Variants in KCNJ14 observed in about 807,000 individuals in gnomAD.
The protein encoded by KCNJ14 is ATP-sensitive inward rectifier potassium channel 14.
KCNJ14 carries 18 observed loss-of-function variants against 24.5 expected under a neutral mutation model. The observed-to-expected ratio is 0.74, with a 90% CI of 0.51 to 1.09. KCNJ14 has a LOEUF of 1.09. Ranked by LOEUF, KCNJ14 falls within the 50% of genes least tolerant of loss-of-function variation. KCNJ14 has a pLI of 0.00. For synonymous variants in KCNJ14, 288 were observed against 270.8 expected (o/e 1.06, Z -0.63); for missense variants, 633 against 623.0 (o/e 1.02, Z -0.17).
chr19:48,456,297 T>TCCTGATGTTGACCTCCAGGCCGCCC (rs1971539117), intron 1 of KCNJ14: 1 of 152,182 alleles, frequency 6.6e-6, no homozygotes. Flanking sequence ...AGATGCTGCA[T>TCCTGATGTTGACCTCCAGGCCGCCC]CCTGATGTTG....
chr19:48,463,474 G>A (rs1971622741), intron 2 of KCNJ14, among the ~76,000 whole-genome samples: 1 of 152,158 alleles, frequency 6.6e-6, no homozygotes, highest in Non-Finnish European at 1.5e-5. Context: ...TGGCCTGGGA[G>A]GTGGCTATGG....
In KCNJ14 at chr19:48,462,440, T is replaced by A. The variant is rs1232503416; in HGVS notation, c.714+2T>A. On this transcript the variant is annotated splice_donor_variant, in intron 2 of 2. Coordinates refer to ENST00000342291, the MANE Select transcript of KCNJ14 (RefSeq NM_013348.4). LOFTEE classifies it high-confidence loss of function. This position sits in a 1 kb window ranked among gnomAD's most constrained non-coding sequence, Gnocchi z 4.9. ...CACGTGCGTGCCCAGCTGCTGCAGG[T>A]GCGCCCGGGAGGAGAGGCGGGGACT... 1.4e-6 allele frequency: 2 copies of A among 1,466,394 alleles called. No homozygotes were observed. The highest frequency in any genetic ancestry group is 2.5e-5 in the East Asian group (1 of 39,916). The allele number at this position is 1,466,394 out of a possible 1,614,324, so 90.8% of individuals were successfully genotyped here.
At position 48,461,993 on chromosome 19, in the gene KCNJ14, G is replaced by GCCTGCTCTTCT. The variant is rs1971603680; in HGVS notation, c.277_287dup (p.Phe97SerfsTer149). On this transcript the variant is annotated frameshift_variant, in exon 2 of 3. Coordinates refer to ENST00000342291, the MANE Select transcript of KCNJ14 (RefSeq NM_013348.4). LOFTEE classifies it high-confidence loss of function. Reference sequence around the variant, plus strand: ...GTGGACGTGCGCTGGCGCTGGATGTGCCTGCTCTTCTCCTGCTCCTTCCTC... The same window carrying GCCTGCTCTTCT: ...GTGGACGTGCGCTGGCGCTGGATGTGCCTGCTCTTCTCCTGCTCTTCTCCTGCTCCTTCCTC... 1 of 1,612,994 alleles carries GCCTGCTCTTCT rather than the reference G, an allele frequency of 6.2e-7. No individual in the cohort carries two copies. Among genetic ancestry groups the GCCTGCTCTTCT allele is most frequent in the African/African-American group, 1.3e-5 (1 of 74,930 alleles).
chr19:48,461,528 C>CAAAAAAAAAAAAAAAAAAAAAAAAAAAA (rs34391014), intron 1 of KCNJ14, 142 bp from the exon 2 acceptor site: 1 of 150,154 alleles, frequency 6.7e-6, no homozygotes, highest in African/African-American at 9.9e-5. Context: ...ACTCTGTCTC[C>CAAAAAAAAAAAAAAAAAAAAAAAAAAAA]AAAAAAAAAA....
At chr19:48,456,428 A>T (rs1971540148) in intron 1 of KCNJ14, 1 of 152,264 alleles carries the variant, frequency 6.6e-6, no homozygotes, top group Non-Finnish European at 1.5e-5. Context: ...TGGGCACTGG[A>T]CACAGCCAGG....
At position 48,466,941 on chromosome 19, in the gene KCNJ14, G is replaced by A. The variant is rs1461051361; in HGVS notation, c.*2164G>A. On this transcript the variant is annotated 3_prime_UTR_variant, in exon 3 of 3. Coordinates refer to ENST00000342291, the MANE Select transcript of KCNJ14 (RefSeq NM_013348.4). Reference sequence around the variant, plus strand: ...CATTGTGGGAGAGTGAGTGTTTTAGGGGGAGACCTGTCCCCCAGATTAAAG... The same window carrying A: ...CATTGTGGGAGAGTGAGTGTTTTAGAGGGAGACCTGTCCCCCAGATTAAAG... The A allele has an allele frequency of 1.3e-5, 2 of 152,194 alleles. No individual in the cohort carries two copies. The highest frequency in any genetic ancestry group is 4.8e-5 in the African/African-American group (2 of 41,418). The allele number at this position is 152,194 out of a possible 1,614,324, so 9.4% of individuals were successfully genotyped here.
chr19:48,461,979 C>T lies in KCNJ14; in HGVS notation c.255C>T (p.Arg85=), dbSNP rs777417811. 3.0e-5 allele frequency: 48 copies of T among 1,613,074 alleles called. No individual in the cohort carries two copies. The Admixed American group carries it at 3.5e-4, about 12-fold the overall frequency. Residue 85 remains arginine, a synonymous_variant, in exon 2 of 3, where the codon CGC becomes CGT. Coordinates refer to ENST00000342291, the MANE Select transcript of KCNJ14 (RefSeq NM_013348.4). The part of the protein sequence containing the change: ...SDLFTTCVDV[R]WRWMCLLFSC... Reference sequence around the variant, plus strand: ...TGTTCACCACATGCGTGGACGTGCGCTGGCGCTGGATGTGCCTGCTCTTCT... The same window carrying T: ...TGTTCACCACATGCGTGGACGTGCGTTGGCGCTGGATGTGCCTGCTCTTCT...
At chr19:48,463,277 CG>C (rs1403347047) in intron 2 of KCNJ14, among the ~76,000 whole-genome samples, 1 of 151,938 alleles carries the variant, frequency 6.6e-6, no homozygotes, top group African/African-American at 2.4e-5. Flanking sequence ...TGGAGAGGAT[CG>C]GGGGTGGTGG....
At chr19:48,456,187 A>T (rs1005545769) in intron 1 of KCNJ14, 3 of 152,248 alleles carry the variant, frequency 2.0e-5, no homozygotes, top group African/African-American at 7.2e-5. Context: ...AGCACAGGTC[A>T]GTGTCAGTGC....
At position 48,462,110 on chromosome 19, in the gene KCNJ14, C is replaced by T. The variant is rs761474737; in HGVS notation, c.386C>T (p.Ser129Leu). The T allele has an allele frequency of 2.5e-6, 4 of 1,600,202 alleles. No homozygotes were observed. The East Asian group carries it at 9.0e-5, about 36-fold the overall frequency. Residue 129 changes from serine (S) to leucine (L), a missense_variant, in exon 2 of 3, where the codon TCA (serine) becomes TTA (leucine). Transcript: ENST00000342291. This position sits in a 1 kb window ranked among gnomAD's most constrained non-coding sequence, Gnocchi z 4.9. ...AAPPPPAPCF[S>L]HVASFLAAFL... ...CCGCCACCGCCCGCGCCCTGCTTCT[C>T]ACACGTGGCCAGCTTCCTGGCCGCC...
chr19:48,464,629 T>C lies in KCNJ14; in HGVS notation c.1163T>C (p.Phe388Ser). ...KSSFPGSLTA[F>S]CYENELALSC... ...AGTTTCCCCGGCTCTCTGACTGCAT[T>C]TTGTTATGAGAATGAACTTGCTCTG... Residue 388 changes from phenylalanine to serine, a missense_variant, in exon 3 of 3, where the codon TTT (phenylalanine) becomes TCT (serine). Physicochemically the swap from Phe to Ser is radical, Grantham distance 155. Transcript: ENST00000342291. 2 of 1,614,104 alleles carry C rather than the reference T, an allele frequency of 1.2e-6. No individual in the cohort carries two copies. The highest frequency in any genetic ancestry group is 1.7e-6 in the Non-Finnish European group (2 of 1,180,008).
rs774240298 is a variant in KCNJ14 at position 48,462,002 on chromosome 19, TCTC to T, written c.281_283del (p.Ser94del). The T allele has an allele frequency of 5.0e-5, 81 of 1,612,894 alleles. No homozygotes were observed. The highest frequency in any genetic ancestry group is 1.6e-4 in the Middle Eastern group (1 of 6,082). On this transcript the variant is annotated inframe_deletion, in exon 2 of 3. Transcript: ENST00000342291. This position sits in a 1 kb window ranked among gnomAD's most constrained non-coding sequence, Gnocchi z 4.9. ...CGCTGGCGCTGGATGTGCCTGCTCT[TCTC>T]CTGCTCCTTCCTCGCCTCCTGGCTG... is the stretch of plus-strand genomic sequence containing the variant.
intron 2 of KCNJ14, among the ~76,000 whole-genome samples, chr19:48,463,683 C>T (rs1971625513): frequency 6.6e-6 from 1 of 152,190 alleles, no homozygotes; most frequent in Admixed American, 6.5e-5. Context: ...TCTGATTTAT[C>T]TTTCTCTGGC....
In KCNJ14 at chr19:48,461,738, G is replaced by T; in HGVS notation, c.14G>T (p.Arg5Met). 7.0e-7 allele frequency: 1 copy of T among 1,429,812 alleles called. No homozygotes were observed. The highest frequency in any genetic ancestry group is 2.6e-5 in the East Asian group (1 of 38,074). 88.6% of individuals were successfully genotyped at this position (1,429,812 alleles called of 1,614,324 possible). A position where few individuals can be genotyped will look rare whatever the true frequency, so the allele number is the denominator to read the frequency against. MGLA[R>M]ALRRLSGALD... ...TCCCTCCGTCCAATGGGCCTGGCCA[G>T]GGCCCTACGCCGCCTCAGCGGCGCC... Residue 5 changes from arginine to methionine, a missense_variant, in exon 2 of 3, where the codon AGG becomes ATG. Coordinates refer to ENST00000342291, the MANE Select transcript of KCNJ14 (RefSeq NM_013348.4).
In KCNJ14 at chr19:48,465,854, G is replaced by A. The variant is rs1971649663; in HGVS notation, c.*1077G>A. 1 of 152,622 alleles carries A rather than the reference G, an allele frequency of 6.6e-6. No individual in the cohort carries two copies. The highest frequency in any genetic ancestry group is 2.4e-5 in the African/African-American group (1 of 41,442). 9.5% of individuals were successfully genotyped at this position (152,622 alleles called of 1,614,324 possible). A position where few individuals can be genotyped will look rare whatever the true frequency, so the allele number is the denominator to read the frequency against. ...ACAGAGTTGTCCATTACCAAAGCCTGGAAGTTCTCATCACCTCCAGGTGGA... is the reference window on the plus strand; with the variant it reads ...ACAGAGTTGTCCATTACCAAAGCCTAGAAGTTCTCATCACCTCCAGGTGGA... On this transcript the variant is annotated 3_prime_UTR_variant, in exon 3 of 3. Transcript: ENST00000342291.
Position 48,462,427 on chromosome 19 carries a change from C to T in KCNJ14, c.703C>T (p.Gln235Ter), listed in dbSNP as rs1304392328. The change falls in exon 2 of 3, where the codon CAG (glutamine) becomes TAG (stop). Residue 235 changes from glutamine to a stop codon, truncating the protein, a stop_gained. Coordinates refer to ENST00000342291, the MANE Select transcript of KCNJ14 (RefSeq NM_013348.4). LOFTEE classifies it high-confidence loss of function. This position sits in a 1 kb window ranked among gnomAD's most constrained non-coding sequence, Gnocchi z 4.9. Reference protein sequence around the residue: ...SHLVEAHVRAQLLQPRVTPEG... With the variant: ...SHLVEAHVRA Reference sequence around the variant, plus strand: ...CCTGGTCGAGGCCCACGTGCGTGCCCAGCTGCTGCAGGTGCGCCCGGGAGG... The same window carrying T: ...CCTGGTCGAGGCCCACGTGCGTGCCTAGCTGCTGCAGGTGCGCCCGGGAGG... The T allele has an allele frequency of 1.3e-5, 19 of 1,477,148 alleles. No homozygotes were observed. The highest frequency in any genetic ancestry group is 2.4e-4 in the Middle Eastern group (1 of 4,210). 91.5% of individuals were successfully genotyped at this position (1,477,148 alleles called of 1,614,324 possible). A position where few individuals can be genotyped will look rare whatever the true frequency, so the allele number is the denominator to read the frequency against.
At chr19:48,460,423 A>C (rs991104215) in intron 1 of KCNJ14, among the ~76,000 whole-genome samples, 1 of 152,040 alleles carries the variant, frequency 6.6e-6, no homozygotes, top group Non-Finnish European at 1.5e-5. Flanking sequence ...TTGTATTTTT[A>C]GTAGAGATGG....
chr19:48,463,518 C>A (rs1029409754), intron 2 of KCNJ14, among the ~76,000 whole-genome samples: 1 of 152,100 alleles, frequency 6.6e-6, no homozygotes, highest in African/African-American at 2.4e-5. Context: ...AATACCCACA[C>A]CCCCACAAAG....
At position 48,462,084 on chromosome 19, in the gene KCNJ14, C is replaced by T. The variant is rs1454555071; in HGVS notation, c.360C>T (p.Ala120=). 1.9e-6 allele frequency: 3 copies of T among 1,601,876 alleles called. No individual in the cohort carries two copies. In the East Asian group the frequency reaches 6.7e-5, roughly 36 times the overall value. ...CCTCGCTGCACGGCGACCTGGCCGC[C>T]CCGCCACCGCCCGCGCCCTGCTTCT... ...LIASLHGDLA[A]PPPPAPCFSH... is the part of the protein sequence containing the mutation. Residue 120 remains alanine (A), a synonymous_variant, in exon 2 of 3, where the codon GCC becomes GCT. Coordinates refer to ENST00000342291, the MANE Select transcript of KCNJ14 (RefSeq NM_013348.4). The surrounding 1 kb of genome is among the most constrained non-coding windows in gnomAD (Gnocchi z 4.9).
Sources: allele counts gnomAD v4.1 joint callset (sites outside exome capture counted in the v4.1 genomes callset), GRCh38; gene constraint gnomAD v4.1.1; non-coding constraint Gnocchi (gnomAD v3.1); transcripts MANE v1.5; gene names NCBI Gene and HGNC (gene_info 2026-07-23, HGNC 2026-07-21).